CNST: variants seen among roughly 807,000 people sequenced by gnomAD.
The protein encoded by CNST is consortin, connexin sorting protein, also known as consortin.
In CNST, 39 loss-of-function variants were observed where a neutral mutation model predicts 72.4. That is an observed-to-expected ratio of 0.54 (90% CI 0.42 to 0.70). The LOEUF (loss-of-function observed/expected upper bound fraction) is 0.70. Among genes scored for constraint, CNST ranks in the 30% least tolerant of loss-of-function variants. CNST has a pLI of 0.00. For missense variants in CNST, 871 were observed against 868.5 expected (o/e 1.00, Z -0.04); for synonymous variants, 332 against 320.1 (o/e 1.04, Z -0.40).
chr1:246,568,311 T>C (rs1044725168), intron 1 of CNST, among the ~76,000 whole-genome samples: 12 of 152,232 alleles, frequency 7.9e-5, no homozygotes, highest in Non-Finnish European at 1.8e-4. Flanking sequence ...GTTATTATTT[T>C]CTCTTGGTTT....
intron 8 of CNST, among the ~76,000 whole-genome samples, chr1:246,644,197 G>A (rs767176452): frequency 2.0e-5 from 3 of 151,918 alleles, no homozygotes; most frequent in Non-Finnish European, 4.4e-5. Flanking sequence ...TCAGGAGATC[G>A]AGACCACAGT....
chr1:246,585,874 G>A (rs1033359701), intron 1 of CNST, among the ~76,000 whole-genome samples: 1 of 151,760 alleles, frequency 6.6e-6, no homozygotes, highest in Non-Finnish European at 1.5e-5. Context: ...GAGGCCAAGA[G>A]TTTGAGACCA....
chr1:246,658,984 T>C (rs1666918130), intron 9 of CNST, among the ~76,000 whole-genome samples: 1 of 152,048 alleles, frequency 6.6e-6, no homozygotes, highest in South Asian at 2.1e-4. Flanking sequence ...TGGTTTTGTT[T>C]CTAAATAAGG....
chr1:246,606,327 T>G (rs1662810057), intron 2 of CNST: 1 of 152,002 alleles, frequency 6.6e-6, no homozygotes, highest in African/African-American at 2.4e-5. Flanking sequence ...CTAGAAGGTT[T>G]GTTGGGTCCC....
At position 246,641,788 on chromosome 1, in the gene CNST, T is replaced by C. The variant is rs940351480; in HGVS notation, c.840+18T>C. On this transcript the variant is annotated intron_variant, in intron 7 of 10. Transcript: ENST00000366513. ...AACATAAGGTAAGAGATTGTTTCTT[T>C]TGAATATATTTCTAGGAAAAATGTT... The C allele has an allele frequency of 2.3e-6, 3 of 1,319,564 alleles. No individual in the cohort carries two copies. Among genetic ancestry groups the C allele is most frequent in the Non-Finnish European group, 3.2e-6 (3 of 924,992 alleles). 81.7% of individuals were successfully genotyped at this position (1,319,564 alleles called of 1,614,324 possible).
intron 1 of CNST, among the ~76,000 whole-genome samples, chr1:246,581,557 C>G (rs1356367116): frequency 6.6e-6 from 1 of 152,244 alleles, no homozygotes. Flanking sequence ...GCCATCACAC[C>G]CGGCCCATCC....
chr1:246,603,936 A>T (rs1330562968), intron 2 of CNST, among the ~76,000 whole-genome samples: 1 of 152,172 alleles, frequency 6.6e-6, no homozygotes, highest in Non-Finnish European at 1.5e-5. Context: ...CCGTTAAAAG[A>T]AAAAAAGGCT....
chr1:246,612,860 G>A (rs1558557821), intron 2 of CNST, among the ~76,000 whole-genome samples: 1 of 152,148 alleles, frequency 6.6e-6, no homozygotes, highest in Non-Finnish European at 1.5e-5. Context: ...ACTCCAGCCT[G>A]GGTGACAGAG....
intron 10 of CNST, 141 bp from the exon 11 acceptor site, chr1:246,665,559 G>A (rs1287463579): frequency 4.5e-6 from 3 of 665,244 alleles, no homozygotes; most frequent in Non-Finnish European, 7.8e-6. Flanking sequence ...GTCATTAGCA[G>A]CATGAGTTTT....
chr1:246,635,663 C>T (rs1478583298), intron 6 of CNST, among the ~76,000 whole-genome samples: 1 of 152,172 alleles, frequency 6.6e-6, no homozygotes, highest in Non-Finnish European at 1.5e-5. Flanking sequence ...TTTGTTGTCA[C>T]GCGAGCATTT....
chr1:246,661,306 T>C (rs930531679), intron 10 of CNST, among the ~76,000 whole-genome samples: 3 of 151,938 alleles, frequency 2.0e-5, no homozygotes, highest in Non-Finnish European at 2.9e-5. Flanking sequence ...TTAGTAGAGA[T>C]GAGGTTTTGC....
At chr1:246,585,103 G>A (rs1234261448) in intron 1 of CNST, among the ~76,000 whole-genome samples, 1 of 152,134 alleles carries the variant, frequency 6.6e-6, no homozygotes, top group Non-Finnish European at 1.5e-5. Flanking sequence ...TTTCAGGCTT[G>A]CCTTTTCTTC....
At position 246,668,180 on chromosome 1, in the gene CNST, GA is replaced by G. The variant is rs1667461319; in HGVS notation, c.*2278del. The G allele has an allele frequency of 6.6e-6, 1 of 152,218 alleles. No individual in the cohort carries two copies. Among genetic ancestry groups the G allele is most frequent in the Non-Finnish European group, 1.5e-5 (1 of 68,042 alleles). 9.4% of individuals were successfully genotyped at this position (152,218 alleles called of 1,614,324 possible). ...AACTGGAGTAATTCCACCTGGTGGT[GA>G]AAGGATTGTTATTTCACACATGAAA... is the stretch of plus-strand genomic sequence containing the variant. On this transcript the variant is annotated 3_prime_UTR_variant, in exon 11 of 11. Coordinates refer to ENST00000366513, the MANE Select transcript of CNST (RefSeq NM_152609.3).
intron 10 of CNST, among the ~76,000 whole-genome samples, chr1:246,664,812 A>T (rs900372321): frequency 5.3e-5 from 8 of 152,200 alleles, no homozygotes; most frequent in Non-Finnish European, 1.0e-4. Context: ...ATTACCTTCC[A>T]AAAAGGCATT....
chr1:246,598,616 G>A (rs1662048035), intron 2 of CNST, among the ~76,000 whole-genome samples: 1 of 152,128 alleles, frequency 6.6e-6, no homozygotes, highest in African/African-American at 2.4e-5. Flanking sequence ...ATTGACTTCG[G>A]CTATAGTAGA....
At chr1:246,567,121 A>C (rs1659758504) in intron 1 of CNST, among the ~76,000 whole-genome samples, 1 of 148,874 alleles carries the variant, frequency 6.7e-6, no homozygotes, top group Admixed American at 6.7e-5. Flanking sequence ...TCTCTGGGCC[A>C]ATATTTTCCT....
chr1:246,648,190 A>T, intron 9 of CNST, 153 bp downstream of exon 9: 1 of 1,417,770 alleles, frequency 7.1e-7, no homozygotes, highest in Non-Finnish European at 9.2e-7. Context: ...AGTAGTTTTT[A>T]CATTTGTATG....
intron 10 of CNST, among the ~76,000 whole-genome samples, chr1:246,663,232 C>A (rs549545365): frequency 2.0e-5 from 3 of 151,226 alleles, no homozygotes; most frequent in African/African-American, 7.3e-5. Flanking sequence ...GTGTGTGCAC[C>A]TTTGGTCCCA....
chr1:246,652,858 G>A (rs1247315444), intron 9 of CNST, among the ~76,000 whole-genome samples: 66 of 150,654 alleles, frequency 4.4e-4, no homozygotes, highest in African/African-American at 1.6e-3. Context: ...CAAAAAACTA[G>A]CCGGGCGTGG....
Sources: gnomAD v4.1 joint callset for allele counts (sites outside exome capture counted in the v4.1 genomes callset) on GRCh38, gnomAD v4.1.1 for gene constraint, MANE v1.5 for transcripts, NCBI Gene and HGNC (gene_info 2026-07-23, HGNC 2026-07-21) for gene names.